The following STK4 variants were observed in gnomAD, a reference collection of about 807,000 sequenced individuals.
The protein encoded by STK4 is serine/threonine-protein kinase 4.
In STK4, 30 loss-of-function variants were observed where a neutral mutation model predicts 64.9. That is an observed-to-expected ratio of 0.46 (90% CI 0.35 to 0.63). STK4 has a LOEUF of 0.63. STK4 is among the 20% of genes least tolerant of loss of function. The pLI, the probability that STK4 is intolerant of heterozygous loss-of-function variation, is 0.01. For missense variants in STK4, 466 were observed against 598.5 expected (o/e 0.78, Z 2.31); for synonymous variants, 177 against 199.0 (o/e 0.89, Z 0.93).
intron 6 of STK4, among the ~76,000 whole-genome samples, chr20:44,996,594 G>A (rs2067735168): frequency 6.6e-6 from 1 of 152,060 alleles, no homozygotes. Context: ...TTTAAAATTG[G>A]AAATTTAATA....
intron 10 of STK4, among the ~76,000 whole-genome samples, chr20:45,040,576 A>G (rs2068597144): frequency 6.6e-6 from 1 of 151,276 alleles, no homozygotes; most frequent in Non-Finnish European, 1.5e-5. Context: ...GTATGATGAG[A>G]TGTGAGATGT....
chr20:45,010,590 A>C (rs953863297), intron 9 of STK4, among the ~76,000 whole-genome samples: 14 of 152,310 alleles, frequency 9.2e-5, no homozygotes, highest in Non-Finnish European at 1.8e-4. Context: ...TAAGTAACAT[A>C]CTTGTGATTA....
chr20:45,039,684 G>A (rs371460872), intron 10 of STK4, among the ~76,000 whole-genome samples: 8 of 152,154 alleles, frequency 5.3e-5, no homozygotes, highest in Admixed American at 3.9e-4. Context: ...TGCTATATGC[G>A]GACTTCCCAT....
At chr20:45,031,376 T>C (rs1307954879) in intron 10 of STK4, among the ~76,000 whole-genome samples, 1 of 152,100 alleles carries the variant, frequency 6.6e-6, no homozygotes, top group East Asian at 1.9e-4. Context: ...GAGTGACACA[T>C]GGGATAGCAG....
chr20:45,014,324 G>A (rs533177883), intron 9 of STK4, among the ~76,000 whole-genome samples: 1 of 152,130 alleles, frequency 6.6e-6, no homozygotes, highest in East Asian at 1.9e-4. Flanking sequence ...TACTAAGGAA[G>A]CTGGGGAAGG....
intron 10 of STK4, among the ~76,000 whole-genome samples, chr20:45,053,452 C>T (rs1978302424): frequency 6.6e-6 from 1 of 152,136 alleles, no homozygotes; most frequent in South Asian, 2.1e-4. Flanking sequence ...ATTCTTGTGG[C>T]CATTTATTCT....
In STK4 at chr20:45,076,734, T is replaced by G. The variant is rs994940423; in HGVS notation, c.*1558T>G. 1.3e-5 allele frequency: 2 copies of G among 152,254 alleles called. No individual in the cohort carries two copies. Among genetic ancestry groups the G allele is most frequent in the African/African-American group, 4.8e-5 (2 of 41,460 alleles). 9.4% of individuals were successfully genotyped at this position (152,254 alleles called of 1,614,324 possible). A position where few individuals can be genotyped will look rare whatever the true frequency, so the allele number is the denominator to read the frequency against. ...TTTCCCTCAGATGGGGAGCCATGACTGGGTTGCACCTCAGGATACTGTAAT... is the reference window on the plus strand; with the variant it reads ...TTTCCCTCAGATGGGGAGCCATGACGGGGTTGCACCTCAGGATACTGTAAT... On this transcript the variant is annotated 3_prime_UTR_variant, in exon 11 of 11. Transcript: ENST00000372806. This position sits in a 1 kb window ranked among gnomAD's most constrained non-coding sequence, Gnocchi z 4.0.
intron 6 of STK4, among the ~76,000 whole-genome samples, chr20:44,996,647 C>T (rs773359782): frequency 1.4e-4 from 21 of 152,032 alleles, no homozygotes; most frequent in East Asian, 3.8e-4. Context: ...GTAACTGCAA[C>T]GTAGTGGGCC....
intron 10 of STK4, among the ~76,000 whole-genome samples, chr20:45,050,219 C>A (rs1302747045): frequency 1.3e-5 from 2 of 152,168 alleles, no homozygotes; most frequent in East Asian, 3.8e-4. Context: ...TGGCCTGTGG[C>A]ACATGTAATT....
At chr20:45,035,823 AG>A (rs149123541) in intron 10 of STK4, among the ~76,000 whole-genome samples, 4,276 of 152,232 alleles carry the variant, frequency 0.028, 184 homozygotes, top group African/African-American at 0.092. Flanking sequence ...ACGCTTAGAG[AG>A]TTTATGATGT....
intron 3 of STK4, among the ~76,000 whole-genome samples, chr20:44,979,766 CCTT>C (rs1467982598): frequency 6.6e-6 from 1 of 151,582 alleles, no homozygotes; most frequent in African/African-American, 2.4e-5. Context: ...TTTTTCTCTC[CCTT>C]CTTTTTTTTT....
intron 10 of STK4, among the ~76,000 whole-genome samples, chr20:45,062,941 C>G (rs1226555588): frequency 7.1e-6 from 1 of 140,690 alleles, no homozygotes; most frequent in Non-Finnish European, 1.5e-5. Context: ...CCGCCCGCCT[C>G]GGCCTCCCAA....
At chr20:45,036,197 G>A (rs2213609) in intron 10 of STK4, among the ~76,000 whole-genome samples, 132,012 of 152,222 alleles carry the variant, frequency 0.87, 57,375 homozygotes, top group East Asian at 0.97. Context: ...CATACAGTAT[G>A]TCCTTATGAG....
At chr20:45,029,700 T>G (rs1292043309) in intron 10 of STK4, among the ~76,000 whole-genome samples, 1 of 152,220 alleles carries the variant, frequency 6.6e-6, no homozygotes, top group African/African-American at 2.4e-5. Context: ...CCAGGCAGAC[T>G]GAATAGGAAT....
intron 8 of STK4, among the ~76,000 whole-genome samples, chr20:45,000,863 T>C (rs1419807719): frequency 6.6e-6 from 1 of 152,222 alleles, no homozygotes; most frequent in African/African-American, 2.4e-5. Flanking sequence ...TTTACATTTA[T>C]AGACTTCTTC....
At chr20:45,061,735 AT>A (rs1979026845) in intron 10 of STK4, among the ~76,000 whole-genome samples, 1 of 151,480 alleles carries the variant, frequency 6.6e-6, no homozygotes, top group Non-Finnish European at 1.5e-5. Context: ...TGATTTATTG[AT>A]CTTTTCCCTT....
chr20:45,059,178 T>C (rs548249684), intron 10 of STK4, among the ~76,000 whole-genome samples: 1 of 152,238 alleles, frequency 6.6e-6, no homozygotes, highest in Non-Finnish European at 1.5e-5. Context: ...ACAACTGTGG[T>C]TGAAACTTTT....
chr20:44,974,222 GT>G (rs976306587), intron 2 of STK4: 11 of 151,874 alleles, frequency 7.2e-5, no homozygotes, highest in African/African-American at 2.7e-4. Context: ...GACAAATTGC[GT>G]TTTAGATCTA....
chr20:45,034,826 AGG>A (rs1423420938), intron 10 of STK4, among the ~76,000 whole-genome samples: 1 of 152,100 alleles, frequency 6.6e-6, no homozygotes, highest in Admixed American at 6.6e-5. Flanking sequence ...CTGAGGTGGG[AGG>A]ATCTCTTGAG....
Sources: gnomAD v4.1 joint callset for allele counts (sites outside exome capture counted in the v4.1 genomes callset) on GRCh38, gnomAD v4.1.1 for gene constraint, Gnocchi (gnomAD v3.1) non-coding constraint, MANE v1.5 for transcripts, NCBI Gene and HGNC (gene_info 2026-07-23, HGNC 2026-07-21) for gene names.